Variants in TUT7 observed in about 807,000 individuals in gnomAD.
TUT7 encodes the protein terminal uridylyltransferase 7.
Under a neutral mutation model 165.9 loss-of-function variants are expected in TUT7, and 33 were observed. The ratio of observed to expected loss-of-function variants is 0.20; its 90% confidence interval spans 0.15 to 0.27. The LOEUF (loss-of-function observed/expected upper bound fraction) is 0.27. Among genes scored for constraint, TUT7 ranks in the 10% least tolerant of loss-of-function variants. The pLI, the probability that TUT7 is intolerant of heterozygous loss-of-function variation, is 1.00. For synonymous variants in TUT7, 552 were observed against 608.1 expected (o/e 0.91, Z 1.36); for missense variants, 1,338 against 1,762.3 (o/e 0.76, Z 4.31).
intron 17 of TUT7, among the ~76,000 whole-genome samples, chr9:86,312,922 T>A (rs1023779025): frequency 1.3e-5 from 2 of 151,860 alleles, no homozygotes; most frequent in African/African-American, 4.8e-5. Flanking sequence ...GCATGCTCGT[T>A]AAGAGTCATC....
chr9:86,352,650 G>A, intron 2 of TUT7, 30 bp downstream of exon 2: 1 of 1,612,938 alleles, frequency 6.2e-7, no homozygotes, highest in Non-Finnish European at 8.5e-7. Flanking sequence ...TGACTCTGGG[G>A]TTGTGATCTG....
chr9:86,290,001 AG>A (rs1477393938), intron 26 of TUT7, among the ~76,000 whole-genome samples: 1 of 152,186 alleles, frequency 6.6e-6, no homozygotes, highest in Non-Finnish European at 1.5e-5. Context: ...CTATATAAAT[AG>A]CATTTTCAAA....
chr9:86,305,029 G>A, intron 23 of TUT7, 82 bp from the exon 24 acceptor site: 4 of 1,230,642 alleles, frequency 3.3e-6, no homozygotes, highest in Non-Finnish European at 3.5e-6. Context: ...CCTGGGCCTG[G>A]TGGCGCCTGT....
In TUT7 at chr9:86,352,988, G is replaced by A. The variant is rs1338754762; in HGVS notation, c.212C>T (p.Ala71Val). 6 of 1,614,214 alleles carry A rather than the reference G, an allele frequency of 3.7e-6. No individual in the cohort carries two copies. In the Admixed American group the frequency reaches 1.0e-4, roughly 27 times the overall value. ...YGNTPRKGPC[A>V]VSSNPYAFKN... ...AAATGCATATGGATTGCTGGAAACAGCACATGGTCCTTTTCTGGGGGTATT... is the reference window on the plus strand; with the variant it reads ...AAATGCATATGGATTGCTGGAAACAACACATGGTCCTTTTCTGGGGGTATT... The change falls in exon 2 of 27, where the codon GCT (alanine) becomes GTT (valine). Residue 71 changes from alanine to valine, a missense_variant. Coordinates refer to ENST00000375963, the MANE Select transcript of TUT7 (RefSeq NM_024617.4).
chr9:86,340,163 G>C, intron 7 of TUT7, 58 bp from the exon 8 acceptor site: 1 of 1,436,764 alleles, frequency 7.0e-7, no homozygotes, highest in Non-Finnish European at 9.8e-7. Context: ...TTTAAAAGCA[G>C]AACCAGATAA....
At chr9:86,295,492 A>T (rs1409811044) in intron 26 of TUT7, among the ~76,000 whole-genome samples, 1 of 152,168 alleles carries the variant, frequency 6.6e-6, no homozygotes, top group Non-Finnish European at 1.5e-5. Flanking sequence ...GATATATCAA[A>T]TATGTGAAAA....
intron 25 of TUT7, among the ~76,000 whole-genome samples, chr9:86,302,148 CCAT>C (rs1195234111): frequency 1.5e-4 from 23 of 152,070 alleles, no homozygotes; most frequent in Admixed American, 2.6e-4. Context: ...AATTTGAGCA[CCAT>C]GTTTTAAAAT....
At chr9:86,305,722 A>G (rs1479561753) in intron 22 of TUT7, among the ~76,000 whole-genome samples, 1 of 152,192 alleles carries the variant, frequency 6.6e-6, no homozygotes. Flanking sequence ...TTCAGAAAAT[A>G]ATTCATGATG....
At chr9:86,347,588 G>A (rs77047217) in intron 2 of TUT7, among the ~76,000 whole-genome samples, 1 of 151,964 alleles carries the variant, frequency 6.6e-6, no homozygotes, top group Non-Finnish European at 1.5e-5. Flanking sequence ...GAGCGCTAAA[G>A]GATAAGCAGC....
At position 86,322,991 on chromosome 9, in the gene TUT7, A is replaced by G. The variant is rs552232426; in HGVS notation, c.2759T>C (p.Leu920Pro). The change falls in exon 13 of 27, where the codon CTA becomes CCA. Residue 920 changes from leucine (L) to proline (P), a missense_variant. Physicochemically the swap from Leu to Pro is moderately conservative, Grantham distance 98 (BLOSUM62 -3). Around this residue, in one of 7 missense-constraint regions of TUT7, gnomAD observed 425 missense variants for 474.9 expected, o/e 0.89. Coordinates refer to ENST00000375963, the MANE Select transcript of TUT7 (RefSeq NM_024617.4). ...GAGACTTATTTTATTAAGTTCCACT[A>G]GGAGAGCTCTTTCTACATGTTTTCC... is the stretch of plus-strand genomic sequence containing the variant. ...ECGKHVERAL[L>P]VELNKISLKE... is the part of the protein sequence containing the mutation. 5 of 1,614,128 alleles carry G rather than the reference A, an allele frequency of 3.1e-6. No individual in the cohort carries two copies. The South Asian group carries it at 5.5e-5, about 18-fold the overall frequency.
rs758681837 is a variant in TUT7, at chr9:86,288,726, T to G, written c.4439A>C (p.Tyr1480Ser). The G allele has an allele frequency of 6.2e-7, 1 of 1,613,796 alleles. No individual in the cohort carries two copies. Among genetic ancestry groups the G allele is most frequent in the Non-Finnish European group, 8.5e-7 (1 of 1,179,818 alleles). ...KGSSGSLSSK[Y>S]MTQGKASAKR... The stretch of plus-strand genomic sequence containing the variant: ...CGCTGAGGCTTTTCCCTGAGTCATA[T>G]ATTTACTGGAAAGGCTACCTAGAGG... Residue 1480 changes from tyrosine to serine, a missense_variant, in exon 27 of 27, where the codon TAT becomes TCT. Tyr to Ser is a moderately radical substitution (Grantham distance 144). Transcript: ENST00000375963.
At chr9:86,289,666 T>C (rs756803833) in intron 26 of TUT7, among the ~76,000 whole-genome samples, 7 of 150,868 alleles carry the variant, frequency 4.6e-5, no homozygotes, top group Admixed American at 1.3e-4. Flanking sequence ...TGAACACCAA[T>C]AGATAACTAG....
Position 86,338,275 on chromosome 9 carries a change from G to A in TUT7, c.1335+548C>T, listed in dbSNP as rs149289629. Reference sequence around the variant, plus strand: ...CACCCAGGGTGGAGTGCAGTGGCACGATCTTGGCTTACTGCAACCTGTACC... The same window carrying A: ...CACCCAGGGTGGAGTGCAGTGGCACAATCTTGGCTTACTGCAACCTGTACC... On this transcript the variant is annotated intron_variant, in intron 9 of 26. Coordinates refer to ENST00000375963, the MANE Select transcript of TUT7 (RefSeq NM_024617.4). Among the ~76,000 whole-genome samples, 55 of 148,186 alleles carry A rather than the reference G, an allele frequency of 3.7e-4. 1 individual carries two copies. In the East Asian group the frequency reaches 0.01, roughly 27 times the overall value.
chr9:86,352,948 G>A lies in TUT7; in HGVS notation c.252C>T (p.Tyr84=). 1 of 1,614,214 alleles carries A rather than the reference G, an allele frequency of 6.2e-7. No homozygotes were observed. Among genetic ancestry groups the A allele is most frequent in the East Asian group, 2.2e-5 (1 of 44,886 alleles). ...TGTCATTCATCCAAGCGGGTTGACT[G>A]TAGATTGGGTTTTTAAATGCATATG... ...SNPYAFKNPI[Y]SQPAWMNDSH... The change falls in exon 2 of 27, where the codon TAC becomes TAT. Residue 84 remains tyrosine (Y), a synonymous_variant. Coordinates refer to ENST00000375963, the MANE Select transcript of TUT7 (RefSeq NM_024617.4).
intron 10 of TUT7, among the ~76,000 whole-genome samples, chr9:86,336,600 C>G (rs1253284082): frequency 1.3e-5 from 2 of 152,130 alleles, no homozygotes; most frequent in Non-Finnish European, 2.9e-5. Flanking sequence ...GTTAAGAACT[C>G]CTTAAATGAT....
chr9:86,297,921 C>CTTTTTT lies in TUT7; in HGVS notation c.4420+3349_4420+3354dup, dbSNP rs59651352. Among the ~76,000 whole-genome samples, 357 of 86,496 alleles carry CTTTTTT rather than the reference C, an allele frequency of 4.1e-3. 13 individuals carry two copies. The highest frequency in any genetic ancestry group is 4.9e-3 in the Non-Finnish European group (243 of 49,438). 56.7% of individuals were successfully genotyped at this position (86,496 alleles called of 152,430 possible). A position where few individuals can be genotyped will look rare whatever the true frequency, so the allele number is the denominator to read the frequency against. On this transcript the variant is annotated intron_variant, in intron 26 of 26. Coordinates refer to ENST00000375963, the MANE Select transcript of TUT7 (RefSeq NM_024617.4). ...CTCACTCACCCTTCTGCCTGCTCCA[C>CTTTTTT]TTTTTTTTTTTTTTCAAATTTCTTC...
chr9:86,290,838 C>T (rs976775562), intron 26 of TUT7, among the ~76,000 whole-genome samples: 7 of 151,574 alleles, frequency 4.6e-5, no homozygotes, highest in East Asian at 3.9e-4. Flanking sequence ...CCAGCCTGGG[C>T]GACAGAGCAA....
chr9:86,304,279 A>C (rs1827245498), intron 24 of TUT7, among the ~76,000 whole-genome samples: 1 of 152,184 alleles, frequency 6.6e-6, no homozygotes, highest in African/African-American at 2.4e-5. Context: ...AGAAGAACAT[A>C]ATATTATTCT....
At chr9:86,316,032 T>C (rs1042125821) in intron 17 of TUT7, among the ~76,000 whole-genome samples, 1 of 152,140 alleles carries the variant, frequency 6.6e-6, no homozygotes, top group Non-Finnish European at 1.5e-5. Flanking sequence ...CTAACCGAAA[T>C]GTACAAAAAC....
Sources: allele counts gnomAD v4.1 joint callset (sites outside exome capture counted in the v4.1 genomes callset), GRCh38; gene constraint gnomAD v4.1.1; regional missense constraint gnomAD v4.1.1; transcripts MANE v1.5; gene names NCBI Gene and HGNC (gene_info 2026-07-23, HGNC 2026-07-21).